The following NBAS variants were observed in gnomAD, a reference collection of about 807,000 sequenced individuals.
NBAS encodes NAG/BC035112 fusion.
In NBAS, 219 loss-of-function variants were observed where a neutral mutation model predicts 302.5. The observed-to-expected ratio is 0.72, with a 90% CI of 0.65 to 0.81. NBAS has a LOEUF of 0.81. NBAS is among the 30% of genes least tolerant of loss of function. The pLI, the probability that NBAS is intolerant of heterozygous loss-of-function variation, is 0.00. For synonymous variants in NBAS, 1,118 were observed against 1,021.6 expected, an observed-to-expected ratio of 1.09 and a Z score of -1.80; for missense variants, 2,932 against 2,841.6, an observed-to-expected ratio of 1.03 and a Z score of -0.72.
At chr2:15,131,380 G>T in the NBAS span, among the ~76,000 whole-genome samples, 3 of 152,030 alleles carry the variant, frequency 2.0e-5, no homozygotes, top group Admixed American at 2.0e-4. Context: ...ATGGTTCTTG[G>T]TGCATTTAGA....
chr2:15,473,987 T>G lies in NBAS; in HGVS notation c.1599+80A>C, dbSNP rs1287007509. On this transcript the variant is annotated intron_variant, in intron 15 of 51. Transcript: ENST00000281513. The stretch of plus-strand genomic sequence containing the variant: ...AACATCCCTCTTGAAATTTTCTCCT[T>G]TATTAAAAAATTAACTTTTTCTCAA... 1.9e-5 allele frequency: 29 copies of G among 1,566,268 alleles called. No individual in the cohort carries two copies. The Admixed American group carries it at 4.6e-4, about 25-fold the overall frequency.
intron 25 of NBAS, among the ~76,000 whole-genome samples, chr2:15,414,685 C>T (rs996008345): frequency 5.3e-5 from 8 of 152,184 alleles, no homozygotes; most frequent in Non-Finnish European, 1.0e-4. Context: ...TGGCTCACGC[C>T]TGTAATCCCA....
the NBAS span, among the ~76,000 whole-genome samples, chr2:14,812,282 T>G: frequency 6.6e-6 from 1 of 152,304 alleles, no homozygotes; most frequent in South Asian, 2.1e-4. Flanking sequence ...AAGCCTCTGC[T>G]TGAATAAAAC....
chr2:14,997,919 G>C, the NBAS span, among the ~76,000 whole-genome samples: 1 of 152,172 alleles, frequency 6.6e-6, no homozygotes, highest in African/African-American at 2.4e-5. Flanking sequence ...ACCTCTGTTA[G>C]GTGAGATAAA....
chr2:15,270,445 G>A (rs977869177), intron 44 of NBAS, among the ~76,000 whole-genome samples: 1 of 152,122 alleles, frequency 6.6e-6, no homozygotes, highest in African/African-American at 2.4e-5. Flanking sequence ...TTACAGGCAT[G>A]AGCCACCATG....
the NBAS span, among the ~76,000 whole-genome samples, chr2:14,793,614 G>C: frequency 2.0e-4 from 30 of 152,184 alleles, 1 homozygote; most frequent in African/African-American, 6.3e-4. Flanking sequence ...AATCTCAGAG[G>C]ATCAGAGAAG....
the NBAS span, among the ~76,000 whole-genome samples, chr2:15,113,083 T>C: frequency 6.6e-6 from 1 of 152,054 alleles, no homozygotes; most frequent in African/African-American, 2.4e-5. Flanking sequence ...TTTTAGTAAT[T>C]ATGTTGATGG....
the NBAS span, among the ~76,000 whole-genome samples, chr2:14,798,220 A>G: frequency 6.6e-6 from 1 of 152,166 alleles, no homozygotes; most frequent in African/African-American, 2.4e-5. Flanking sequence ...GATGTTACTT[A>G]AAGGCTTTTT....
chr2:15,337,641 T>C (rs1440045641), intron 35 of NBAS, among the ~76,000 whole-genome samples: 1 of 152,054 alleles, frequency 6.6e-6, no homozygotes. Context: ...ATTCACATGC[T>C]CAGAAATGAA....
chr2:15,557,701 G>C (rs1201526363), intron 2 of NBAS, among the ~76,000 whole-genome samples: 4 of 152,134 alleles, frequency 2.6e-5, no homozygotes, highest in Non-Finnish European at 5.9e-5. Flanking sequence ...TTTGAAGCCA[G>C]AAAGACATGC....
At chr2:15,274,858 A>T (rs529720124) in intron 44 of NBAS, among the ~76,000 whole-genome samples, 1 of 151,866 alleles carries the variant, frequency 6.6e-6, no homozygotes, top group African/African-American at 2.4e-5. Flanking sequence ...TCCGTTTCGT[A>T]GGTTCAAGCA....
chr2:15,518,070 A>G (rs1662486066), intron 9 of NBAS, among the ~76,000 whole-genome samples: 1 of 151,880 alleles, frequency 6.6e-6, no homozygotes, highest in African/African-American at 2.4e-5. Context: ...AAAGAAGAAC[A>G]TCAAGATACA....
At chr2:14,912,801 T>C in the NBAS span, among the ~76,000 whole-genome samples, 1,515 of 150,864 alleles carry the variant, frequency 0.01, 24 homozygotes, top group African/African-American at 0.034. Context: ...TTACCTCAAA[T>C]AATTTCATAG....
chr2:15,428,880 A>G (rs1041340024), intron 21 of NBAS, among the ~76,000 whole-genome samples: 4 of 149,826 alleles, frequency 2.7e-5, no homozygotes, highest in Non-Finnish European at 6.0e-5. Flanking sequence ...CGTTTCTACT[A>G]AAAATATGAA....
At chr2:14,991,255 A>G in the NBAS span, among the ~76,000 whole-genome samples, 21 of 147,312 alleles carry the variant, frequency 1.4e-4, no homozygotes, top group African/African-American at 5.2e-4. Flanking sequence ...AACGGCAGGG[A>G]AAAATAATTA....
chr2:15,339,274 A>G (rs13417238), intron 35 of NBAS, among the ~76,000 whole-genome samples: 19,107 of 152,166 alleles, frequency 0.13, 3,570 homozygotes, highest in African/African-American at 0.4. Flanking sequence ...TTTAAGACCC[A>G]GCGCTAGGCA....
chr2:15,007,969 A>C, the NBAS span, among the ~76,000 whole-genome samples: 53,706 of 152,112 alleles, frequency 0.35, 10,139 homozygotes, highest in Non-Finnish European at 0.42. Flanking sequence ...TAATGTTTTG[A>C]AAGTGACAAA....
chr2:15,440,197 C>T (rs956768692), intron 21 of NBAS, among the ~76,000 whole-genome samples: 1 of 152,224 alleles, frequency 6.6e-6, no homozygotes, highest in Non-Finnish European at 1.5e-5. Flanking sequence ...AACGGGCAGA[C>T]TGCCTCCTCA....
At chr2:14,996,452 T>C in the NBAS span, among the ~76,000 whole-genome samples, 1 of 152,238 alleles carries the variant, frequency 6.6e-6, no homozygotes, top group East Asian at 1.9e-4. Context: ...GCAGACGGCG[T>C]ACAGCACCAA....
Sources: gnomAD v4.1 joint callset for allele counts (sites outside exome capture counted in the v4.1 genomes callset) on GRCh38, gnomAD v4.1.1 for gene constraint, MANE v1.5 for transcripts, NCBI Gene and HGNC (gene_info 2026-07-23, HGNC 2026-07-21) for gene names.